Variants in CASP8 observed in about 807,000 individuals in gnomAD.
CASP8 encodes the protein caspase 8, also known as caspase-8.
CASP8 carries 24 observed loss-of-function variants against 46.3 expected under a neutral mutation model. The ratio of observed to expected loss-of-function variants is 0.52; its 90% CI spans 0.38 to 0.73. The LOEUF (loss-of-function observed/expected upper bound fraction) is 0.73. Ranked by LOEUF, CASP8 falls within the 30% of genes least tolerant of loss-of-function variation. The probability of loss-of-function intolerance (pLI) is 0.00; values close to 1 mark genes in which losing one functional copy is unlikely to be tolerated. For synonymous variants in CASP8, 188 were observed against 200.4 expected (o/e 0.94, Z 0.52); for missense variants, 460 against 559.0 (o/e 0.82, Z 1.79).
At chr2:201,285,451 A>C in intron 8 of CASP8, 134 bp downstream of exon 8, 1 of 1,106,146 alleles carries the variant, frequency 9.0e-7, no homozygotes, top group Non-Finnish European at 1.4e-6. Flanking sequence ...AGGTCAGAGA[A>C]CTGTCCAAGG....
At chr2:201,278,431 T>C (rs1465589708) in intron 7 of CASP8, among the ~76,000 whole-genome samples, 1 of 152,228 alleles carries the variant, frequency 6.6e-6, no homozygotes, top group Non-Finnish European at 1.5e-5. Context: ...AGAATTTTTT[T>C]CACAGAACCA....
At chr2:201,273,477 G>C (rs567581625) in intron 5 of CASP8, among the ~76,000 whole-genome samples, 3 of 151,866 alleles carry the variant, frequency 2.0e-5, no homozygotes, top group African/African-American at 7.3e-5. Flanking sequence ...TCTCCTTGAC[G>C]TGCTGCTCAT....
At position 201,272,490 on chromosome 2, in the gene CASP8, G is replaced by A. The variant is rs1239825900; in HGVS notation, c.412-148G>A. ...GGAATCGCTTCCCTAGTAGCCTGCTGGCTGTGAGAGACCAGCAGAAACTGT... is the reference window on the plus strand; with the variant it reads ...GGAATCGCTTCCCTAGTAGCCTGCTAGCTGTGAGAGACCAGCAGAAACTGT... On this transcript the variant is annotated intron_variant, in intron 3 of 8. Coordinates refer to ENST00000673742, the MANE Select transcript of CASP8 (RefSeq NM_001372051.1). This position sits in a 1 kb window ranked among gnomAD's most constrained non-coding sequence, Gnocchi z 4.4. The A allele has an allele frequency of 1.2e-6, 1 of 825,242 alleles. No individual in the cohort carries two copies. The highest frequency in any genetic ancestry group is 2.2e-5 in the Admixed American group (1 of 45,024). The allele number at this position is 825,242 out of a possible 1,614,324, so 51.1% of individuals were successfully genotyped here.
chr2:201,233,731 T>A (rs941549505), intron 1 of CASP8: 12 of 152,230 alleles, frequency 7.9e-5, no homozygotes, highest in African/African-American at 2.9e-4. Context: ...AAAGGAGGTA[T>A]TTAGAGTCCT....
chr2:201,255,492 C>G (rs1261511027), intron 2 of CASP8, among the ~76,000 whole-genome samples: 1 of 152,176 alleles, frequency 6.6e-6, no homozygotes, highest in Admixed American at 6.5e-5. Flanking sequence ...CCTGCTCCCC[C>G]CATTCTCAGT....
chr2:201,267,892 C>CT (rs1374599775), intron 2 of CASP8, among the ~76,000 whole-genome samples: 2 of 152,166 alleles, frequency 1.3e-5, no homozygotes, highest in Non-Finnish European at 2.9e-5. Context: ...TTCTCAGAGA[C>CT]TATTTTTTGT....
intron 7 of CASP8, among the ~76,000 whole-genome samples, chr2:201,283,256 G>T (rs1381775943): frequency 1.1e-5 from 1 of 93,332 alleles, no homozygotes; most frequent in Admixed American, 8.9e-5. Context: ...TGGGCGGCTG[G>T]CCGGGCGGGG....
At chr2:201,263,227 A>G (rs1006730898) in intron 1 of CASP8, among the ~76,000 whole-genome samples, 6 of 152,236 alleles carry the variant, frequency 3.9e-5, no homozygotes, top group Non-Finnish European at 1.5e-5. Context: ...TTTTGACACC[A>G]TAATACTACT....
At chr2:201,247,745 A>C (rs887651612) in intron 2 of CASP8, among the ~76,000 whole-genome samples, 17 of 152,176 alleles carry the variant, frequency 1.1e-4, no homozygotes, top group South Asian at 8.3e-4. Flanking sequence ...CCCGGGTTCA[A>C]GGGATTCTCC....
intron 2 of CASP8, among the ~76,000 whole-genome samples, chr2:201,254,218 AG>A (rs1166084449): frequency 6.6e-6 from 1 of 152,200 alleles, no homozygotes; most frequent in African/African-American, 2.4e-5. Context: ...AGAAAGCAGA[AG>A]GGGTAGGTAT....
At chr2:201,280,410 T>G (rs1948929267) in intron 7 of CASP8, among the ~76,000 whole-genome samples, 1 of 152,276 alleles carries the variant, frequency 6.6e-6, no homozygotes, top group South Asian at 2.1e-4. Flanking sequence ...TGGATTAAGA[T>G]TCACTTCCAA....
At chr2:201,257,140 C>T (rs1408771925), upstream of CASP8, among the ~76,000 whole-genome samples, 5 of 151,158 alleles carry the variant, frequency 3.3e-5, no homozygotes, top group Non-Finnish European at 7.4e-5. Context: ...AGCGAAACTC[C>T]GTCCCCCGAA....
At chr2:201,281,724 T>TA (rs1490447184) in intron 7 of CASP8, 2 of 544,942 alleles carry the variant, frequency 3.7e-6, no homozygotes, top group East Asian at 5.0e-5. Context: ...TAATCATTTT[T>TA]AAAATTGGTT....
At chr2:201,277,798 T>G (rs1345475741) in intron 7 of CASP8, 2 of 374,484 alleles carry the variant, frequency 5.3e-6, no homozygotes, top group Admixed American at 3.7e-5. Context: ...CCTCCCTGGT[T>G]CAAGTGATTC....
chr2:201,258,064 A>C, upstream of CASP8: 1 of 732,428 alleles, frequency 1.4e-6, no homozygotes, highest in South Asian at 1.6e-5. Flanking sequence ...TTAGGAGTAA[A>C]GTTTACCCTG....
At chr2:201,271,736 A>T (rs528060396) in intron 3 of CASP8, 115 bp downstream of exon 3, 9 of 728,636 alleles carry the variant, frequency 1.2e-5, no homozygotes, top group African/African-American at 1.2e-4. Context: ...TCACTTTTTA[A>T]CTAGAAGAAG....
rs575891445 is a variant in CASP8 at position 201,243,543 on chromosome 2, C to T, written c.-27+9431C>T. Among the ~76,000 whole-genome samples the T allele has an allele frequency of 1.1e-4, 17 of 152,250 alleles. 1 individual carries two copies. Among genetic ancestry groups the T allele is most frequent in the African/African-American group, 3.9e-4 (16 of 41,548 alleles). ...GACATTTCTTTTTGATAATTTAATG[C>T]CCCTTTCTGATTTTTGTCAAATACT... On this transcript the variant is annotated intron_variant, in intron 2 of 6. Coordinates refer to the CASP8 transcript ENST00000264274.
At chr2:201,256,070 G>C (rs534250816), upstream of CASP8, among the ~76,000 whole-genome samples, 1 of 152,282 alleles carries the variant, frequency 6.6e-6, no homozygotes, top group Admixed American at 6.5e-5. Flanking sequence ...TATTTATTGA[G>C]AAATGTGGAA....
rs540286536 is a variant in CASP8, at chr2:201,281,933, C to CTTTTTTTTTTTTTTT, written c.803-2875_803-2861dup. 1.6e-4 allele frequency: 43 copies of CTTTTTTTTTTTTTTT among 262,196 alleles called. No homozygotes were observed. In the East Asian group the frequency reaches 1.7e-3, roughly 10 times the overall value. 16.2% of individuals were successfully genotyped at this position (262,196 alleles called of 1,614,324 possible). A position where few individuals can be genotyped will look rare whatever the true frequency, so the allele number is the denominator to read the frequency against. On this transcript the variant is annotated intron_variant, in intron 7 of 8. Coordinates refer to ENST00000673742, the MANE Select transcript of CASP8 (RefSeq NM_001372051.1). ...TGCTCTTGAATTTCTGGTTCAAATT[C>CTTTTTTTTTTTTTTT]TTTTTTTTTTTTTTTTTTTTTTATT...
Sources: gnomAD v4.1 joint callset for allele counts (sites outside exome capture counted in the v4.1 genomes callset) on GRCh38, gnomAD v4.1.1 for gene constraint, Gnocchi (gnomAD v3.1) non-coding constraint, MANE v1.5 for transcripts, NCBI Gene and HGNC (gene_info 2026-07-23, HGNC 2026-07-21) for gene names.